CAPS2: variants seen among roughly 807,000 people sequenced by gnomAD.
The protein encoded by CAPS2 is calcyphosine 2.
Under a neutral mutation model 86.5 loss-of-function variants are expected in CAPS2, and 98 were observed. The observed-to-expected ratio is 1.13, with a 90% CI of 0.96 to 1.34. The LOEUF (loss-of-function observed/expected upper bound fraction) is 1.34, where lower values mean the gene tolerates loss of function less well. CAPS2 is among the 40% of genes most tolerant of loss of function. The pLI, the probability that CAPS2 is intolerant of heterozygous loss-of-function variation, is 0.00. For missense variants in CAPS2, 729 were observed against 686.8 expected (o/e 1.06, Z -0.69); for synonymous variants, 210 against 225.1 (o/e 0.93, Z 0.60).
rs768127337 is a variant in CAPS2, at chr12:75,298,714, T to C, written c.1017A>G (p.Lys339=). 1.9e-5 allele frequency: 30 copies of C among 1,613,884 alleles called. No individual in the cohort carries two copies. In the Admixed American group the frequency reaches 4.8e-4, roughly 26 times the overall value. ...CATAAAAATCACCAAGTCGGTATTG[T>C]TTTCCTTTTCTTCGTCCACACTGAT... The change falls in exon 11 of 17, where the codon AAA becomes AAG. Residue 339 remains lysine, a synonymous_variant. Coordinates refer to ENST00000393284, the Ensembl canonical transcript of CAPS2.
At chr12:75,330,910 A>AT (rs750219972), upstream of CAPS2, among the ~76,000 whole-genome samples, 46 of 151,336 alleles carry the variant, frequency 3.0e-4, no homozygotes, top group African/African-American at 4.1e-4. Context: ...CCAGCCTCCC[A>AT]AGTAGTTGGG....
chr12:75,352,152 T>C (rs1445496965), intron 1 of CAPS2, among the ~76,000 whole-genome samples: 1 of 152,196 alleles, frequency 6.6e-6, no homozygotes, highest in African/African-American at 2.4e-5. Flanking sequence ...AATTCACATA[T>C]AACTATACTA....
intron 11 of CAPS2, among the ~76,000 whole-genome samples, chr12:75,294,120 A>AT (rs1172621518): frequency 6.6e-6 from 1 of 151,636 alleles, no homozygotes; most frequent in Non-Finnish European, 1.5e-5. Context: ...ATTTTTTTGT[A>AT]TTTTTAATAG....
At chr12:75,333,582 T>G (rs1214732004), upstream of CAPS2, among the ~76,000 whole-genome samples, 1 of 152,200 alleles carries the variant, frequency 6.6e-6, no homozygotes, top group Non-Finnish European at 1.5e-5. Context: ...TAGAAATATA[T>G]TATCTATTGC....
At position 75,322,973 on chromosome 12, in the gene CAPS2, C is replaced by T. The variant is rs2040437908; in HGVS notation, c.291+1G>A. The T allele has an allele frequency of 7.0e-7, 1 of 1,421,372 alleles. No homozygotes were observed. Among genetic ancestry groups the T allele is most frequent in the East Asian group, 2.5e-5 (1 of 40,168 alleles). The allele number at this position is 1,421,372 out of a possible 1,614,324, so 88.0% of individuals were successfully genotyped here. A position where few individuals can be genotyped will look rare whatever the true frequency, so the allele number is the denominator to read the frequency against. On this transcript the variant is annotated splice_donor_variant, in intron 4 of 16. Coordinates refer to ENST00000393284, the Ensembl canonical transcript of CAPS2. LOFTEE classifies it high-confidence loss of function. ...AAATTGATAAGCAAATAAATACTAA[C>T]CAATTTATTTAGATGATACTGAGTA...
chr12:75,285,589 A>G (rs989291587), intron 14 of CAPS2, among the ~76,000 whole-genome samples: 1 of 151,826 alleles, frequency 6.6e-6, no homozygotes, highest in African/African-American at 2.4e-5. Flanking sequence ...CCTTCTGACC[A>G]ATTTTCCATT....
At chr12:75,277,659 A>C in exon 17 of CAPS2, 1 of 984,246 alleles carries the variant, frequency 1.0e-6, no homozygotes, top group Non-Finnish European at 1.2e-6. Context: ...TTGGGTTCAC[A>C]TGTATCACAC....
chr12:75,307,420 A>G (rs2038635924), intron 7 of CAPS2, among the ~76,000 whole-genome samples: 2 of 152,214 alleles, frequency 1.3e-5, no homozygotes, highest in Admixed American at 6.5e-5. Flanking sequence ...GAAAAGTGAT[A>G]GTAAGGGTCT....
At chr12:75,361,899 A>G (rs1382751011) in intron 1 of CAPS2, among the ~76,000 whole-genome samples, 1 of 152,158 alleles carries the variant, frequency 6.6e-6, no homozygotes, top group Admixed American at 6.6e-5. Flanking sequence ...ATATCAATAG[A>G]CCTAAATGTA....
chr12:75,329,732 T>C (rs2041122763), upstream of CAPS2: 1 of 993,356 alleles, frequency 1.0e-6, no homozygotes, highest in African/African-American at 1.7e-5. Flanking sequence ...GATATCTGAA[T>C]TGAAACTTAG....
chr12:75,311,749 C>G (rs530803337), intron 7 of CAPS2, among the ~76,000 whole-genome samples: 1 of 89,310 alleles, frequency 1.1e-5, no homozygotes, highest in Admixed American at 1.2e-4. Flanking sequence ...AAACCTGCCT[C>G]AAAGAAAATA....
At chr12:75,390,765 A>T in intron 1 of CAPS2, 1 of 506,038 alleles carries the variant, frequency 2.0e-6, no homozygotes, top group Non-Finnish European at 4.0e-6. Flanking sequence ...TAATAACGAC[A>T]TATCATTCAG....
At chr12:75,357,484 G>A (rs1309842074) in intron 1 of CAPS2, among the ~76,000 whole-genome samples, 2 of 152,028 alleles carry the variant, frequency 1.3e-5, no homozygotes, top group African/African-American at 4.8e-5. Context: ...TAGGGATATA[G>A]AGTTGAACAC....
chr12:75,384,691 C>T (rs575516780), intron 1 of CAPS2, among the ~76,000 whole-genome samples: 95 of 152,192 alleles, frequency 6.2e-4, no homozygotes, highest in Admixed American at 1.2e-3. Context: ...CCTGCAAAAA[C>T]ATTACAAGAA....
intron 1 of CAPS2, among the ~76,000 whole-genome samples, chr12:75,337,046 T>C (rs2041783482): frequency 6.6e-6 from 1 of 151,854 alleles, no homozygotes; most frequent in African/African-American, 2.4e-5. Context: ...ATTACTATAA[T>C]TTAGATTTGA....
intron 1 of CAPS2, among the ~76,000 whole-genome samples, chr12:75,379,752 T>A (rs927581658): frequency 6.7e-6 from 1 of 150,114 alleles, no homozygotes; most frequent in African/African-American, 2.5e-5. Flanking sequence ...GATTTGCCAA[T>A]AATAGTTGGG....
chr12:75,333,256 A>ACG (rs1170929505), upstream of CAPS2, among the ~76,000 whole-genome samples: 2 of 37,030 alleles, frequency 5.4e-5, no homozygotes, highest in African/African-American at 1.8e-4. Context: ...GCAGACACAC[A>ACG]CACATATATG....
intron 7 of CAPS2, among the ~76,000 whole-genome samples, chr12:75,308,381 T>C (rs2038757728): frequency 6.6e-6 from 1 of 152,202 alleles, no homozygotes; most frequent in African/African-American, 2.4e-5. Flanking sequence ...GGGAAACCTC[T>C]AGAGGGTATT....
At chr12:75,376,558 C>A (rs1476859301) in intron 1 of CAPS2, among the ~76,000 whole-genome samples, 1 of 152,148 alleles carries the variant, frequency 6.6e-6, no homozygotes, top group East Asian at 1.9e-4. Context: ...GGGTTAATCT[C>A]CTGAAAGGTG....
Sources: allele counts gnomAD v4.1 joint callset (sites outside exome capture counted in the v4.1 genomes callset), GRCh38; gene constraint gnomAD v4.1.1; transcripts MANE v1.5; gene names NCBI Gene and HGNC (gene_info 2026-07-23, HGNC 2026-07-21).